SUSD1: variants seen among roughly 807,000 people sequenced by gnomAD.
SUSD1 encodes the protein sushi domain-containing protein 1.
In SUSD1, 65 loss-of-function variants were observed where a neutral mutation model predicts 86.9. The ratio of observed to expected loss-of-function variants is 0.75; its 90% CI spans 0.61 to 0.92. The LOEUF (loss-of-function observed/expected upper bound fraction) is 0.92. SUSD1 is among the 40% of genes least tolerant of loss of function. SUSD1 has a pLI of 0.00. For synonymous variants in SUSD1, 346 were observed against 350.0 expected (o/e 0.99, Z 0.13); for missense variants, 850 against 929.7 (o/e 0.91, Z 1.11).
chr9:112,168,391 T>A (rs750459467), intron 1 of SUSD1, among the ~76,000 whole-genome samples: 3 of 152,106 alleles, frequency 2.0e-5, no homozygotes, highest in African/African-American at 4.8e-5. Flanking sequence ...CTTCGCCACA[T>A]CCTCCCAGCC....
At chr9:112,088,725 A>G (rs913198648) in intron 10 of SUSD1, among the ~76,000 whole-genome samples, 1 of 152,120 alleles carries the variant, frequency 6.6e-6, no homozygotes, top group African/African-American at 2.4e-5. Context: ...CCAGGAGTTC[A>G]AGGCTGTTGT....
At chr9:112,089,673 G>T (rs527359281) in intron 10 of SUSD1, among the ~76,000 whole-genome samples, 1 of 151,902 alleles carries the variant, frequency 6.6e-6, no homozygotes, top group South Asian at 2.1e-4. Context: ...TTAGCTGGGC[G>T]TGGTGGTACA....
rs376893231 is a variant in SUSD1, at chr9:112,063,011, T to A, written c.1776A>T (p.Glu592Asp). ...GAGGTCCTCTGTGCACCGTAAAAAA[T>A]TCTACTTCCGGGAGGGGAGGCTCTG... ...QITEPPLPEV[E>D]FFTVHRGPLP... Residue 592 changes from glutamate (E) to aspartate (D), a missense_variant, in exon 13 of 17, where the codon GAA becomes GAT. Glu to Asp is a conservative substitution (Grantham distance 45). Transcript: ENST00000374270. 6.2e-7 allele frequency: 1 copy of A among 1,613,218 alleles called. No individual in the cohort carries two copies.
intron 5 of SUSD1, among the ~76,000 whole-genome samples, chr9:112,126,983 A>C (rs913506911): frequency 5.3e-5 from 8 of 152,192 alleles, no homozygotes; most frequent in African/African-American, 1.9e-4. Context: ...ACTGCTCAAA[A>C]TGATAGAATG....
intron 3 of SUSD1, 81 bp from the exon 4 acceptor site, chr9:112,143,704 T>C (rs1832686346): frequency 1.5e-6 from 2 of 1,371,804 alleles, no homozygotes; most frequent in African/African-American, 1.5e-5. Context: ...GTGACAGCCA[T>C]TTTTTCACAT....
chr9:112,171,860 G>A (rs10125387), intron 1 of SUSD1, among the ~76,000 whole-genome samples: 127,209 of 152,176 alleles, frequency 0.84, 53,564 homozygotes, highest in African/African-American at 0.94. Flanking sequence ...GACCAGCCCA[G>A]CTGAATGCTA....
chr9:112,169,112 A>G (rs36005710), intron 1 of SUSD1, among the ~76,000 whole-genome samples: 1 of 151,900 alleles, frequency 6.6e-6, no homozygotes, highest in Non-Finnish European at 1.5e-5. Flanking sequence ...AACATCCCTG[A>G]CAAAAAAAAA....
At chr9:112,100,840 C>CA (rs949709387) in intron 9 of SUSD1, among the ~76,000 whole-genome samples, 1 of 125,318 alleles carries the variant, frequency 8.0e-6, no homozygotes, top group Non-Finnish European at 1.6e-5. Flanking sequence ...TCAAAAAAAA[C>CA]AAAAAAATTG....
rs757416735 is a variant in SUSD1 at position 112,098,502 on chromosome 9, G to A, written c.1442C>T (p.Ser481Leu). 6.2e-7 allele frequency: 1 copy of A among 1,614,156 alleles called. No individual in the cohort carries two copies. The change falls in exon 10 of 17, where the codon TCA becomes TTA. Residue 481 changes from serine (S) to leucine (L), a missense_variant. By Grantham distance (145) the Ser-to-Leu change is moderately radical (BLOSUM62 -2). Coordinates refer to ENST00000374270, the MANE Select transcript of SUSD1 (RefSeq NM_022486.5). ...VTLLRSPKRH[S>L]VQITIATPPA... ...GGGAGTTGCTATTGTTATTTGCACTGAGTGCCGCTTAGGAGATCTCAGCAG... is the reference window on the plus strand; with the variant it reads ...GGGAGTTGCTATTGTTATTTGCACTAAGTGCCGCTTAGGAGATCTCAGCAG...
intron 8 of SUSD1, among the ~76,000 whole-genome samples, chr9:112,109,100 A>G (rs1401056953): frequency 4.6e-5 from 7 of 152,214 alleles, no homozygotes; most frequent in Non-Finnish European, 1.0e-4. Context: ...AACCAAATAT[A>G]CATTTTTTAG....
chr9:112,108,786 A>G (rs562394086), intron 8 of SUSD1, among the ~76,000 whole-genome samples: 2 of 147,450 alleles, frequency 1.4e-5, no homozygotes, highest in African/African-American at 2.5e-5. Context: ...AAAAAAAAAA[A>G]AAAAAGAAAA....
chr9:112,112,920 A>G, intron 6 of SUSD1, 52 bp from the exon 7 acceptor site: 1 of 1,129,274 alleles, frequency 8.9e-7, no homozygotes, highest in South Asian at 1.2e-5. Context: ...GGGCTTTAGC[A>G]AAATTCTAAA....
chr9:112,097,965 T>C (rs1830469397), intron 10 of SUSD1, among the ~76,000 whole-genome samples: 1 of 152,208 alleles, frequency 6.6e-6, no homozygotes, highest in Non-Finnish European at 1.5e-5. Context: ...CCTATGTGGC[T>C]TCCTCAAAAG....
intron 12 of SUSD1, among the ~76,000 whole-genome samples, chr9:112,076,471 A>G (rs967363135): frequency 1.3e-5 from 2 of 152,240 alleles, no homozygotes; most frequent in African/African-American, 4.8e-5. Context: ...ACAGACAGAA[A>G]GTAACAGATA....
rs1747492776 is a variant in SUSD1, at chr9:112,112,987, GGCAGACACTGA to G, written c.887-130_887-120del. ...CTGCTGGTCACCATTCATCCTCAGA[GGCAGACACTGA>G]GTCAGGCAATGCAAGCTCTCCCAAG... On this transcript the variant is annotated intron_variant, in intron 6 of 16. Transcript: ENST00000374270. 1.1e-5 allele frequency: 7 copies of G among 653,926 alleles called. No homozygotes were observed. The Admixed American group carries it at 1.6e-4, about 15-fold the overall frequency. The allele number at this position is 653,926 out of a possible 1,614,324, so 40.5% of individuals were successfully genotyped here. A position where few individuals can be genotyped will look rare whatever the true frequency, so the allele number is the denominator to read the frequency against.
At chr9:112,071,875 C>G (rs1323798003) in intron 12 of SUSD1, among the ~76,000 whole-genome samples, 1 of 152,120 alleles carries the variant, frequency 6.6e-6, no homozygotes, top group African/African-American at 2.4e-5. Flanking sequence ...TCATCCCATC[C>G]AAGGCATGGT....
chr9:112,125,799 C>T (rs530990792), intron 5 of SUSD1, among the ~76,000 whole-genome samples: 2 of 152,196 alleles, frequency 1.3e-5, no homozygotes, highest in African/African-American at 2.4e-5. Context: ...TTTAAATGAG[C>T]CTCTGATACA....
intron 3 of SUSD1, among the ~76,000 whole-genome samples, chr9:112,144,667 G>A (rs1399986333): frequency 6.6e-6 from 1 of 152,132 alleles, no homozygotes; most frequent in African/African-American, 2.4e-5. Context: ...ACAATCTCCA[G>A]GAGAGTGAAA....
chr9:112,097,268 G>A (rs1004137978), intron 10 of SUSD1, among the ~76,000 whole-genome samples: 13 of 151,808 alleles, frequency 8.6e-5, no homozygotes, highest in African/African-American at 3.1e-4. Flanking sequence ...GGAGGTTACA[G>A]TGAGCCAAGA....
Sources: gnomAD v4.1 joint callset for allele counts (sites outside exome capture counted in the v4.1 genomes callset) on GRCh38, gnomAD v4.1.1 for gene constraint, MANE v1.5 for transcripts, NCBI Gene and HGNC (gene_info 2026-07-23, HGNC 2026-07-21) for gene names.